Variants in COG5 observed in about 807,000 individuals in gnomAD.
COG5 encodes the protein component of oligomeric golgi complex 5, also known as conserved oligomeric Golgi complex subunit 5.
In COG5, 86 loss-of-function variants were observed where a neutral mutation model predicts 110.4. That is an observed-to-expected ratio of 0.78 (90% CI 0.65 to 0.93). The LOEUF is 0.93. Ranked by LOEUF, COG5 falls within the 40% of genes least tolerant of loss-of-function variation. The pLI is 0.00. For missense variants in COG5, 1,077 were observed against 987.0 expected (o/e 1.09, Z -1.22); for synonymous variants, 360 against 334.6 (o/e 1.08, Z -0.83).
At chr7:107,246,573 T>C (rs1802075921) in intron 17 of COG5, among the ~76,000 whole-genome samples, 1 of 152,108 alleles carries the variant, frequency 6.6e-6, no homozygotes, top group African/African-American at 2.4e-5. Flanking sequence ...CAGACACTTC[T>C]CAAAAGAAGA....
chr7:107,555,178 G>T (rs994795742), intron 2 of COG5, among the ~76,000 whole-genome samples: 2 of 152,070 alleles, frequency 1.3e-5, no homozygotes, highest in Non-Finnish European at 2.9e-5. Flanking sequence ...CCCTACAGAT[G>T]TTTGATACTT....
At chr7:107,521,764 C>G (rs1330286271) in intron 6 of COG5, among the ~76,000 whole-genome samples, 1 of 152,152 alleles carries the variant, frequency 6.6e-6, no homozygotes, top group African/African-American at 2.4e-5. Flanking sequence ...ACCATTTGCC[C>G]CAGCAATCCC....
intron 14 of COG5, chr7:107,258,707 T>C: frequency 3.7e-6 from 1 of 272,786 alleles, no homozygotes; most frequent in Non-Finnish European, 7.0e-6. Context: ...CCATGTGTGC[T>C]ATTATTTTGA....
At chr7:107,545,324 T>C (rs1449618380) in intron 5 of COG5, among the ~76,000 whole-genome samples, 1 of 152,164 alleles carries the variant, frequency 6.6e-6, no homozygotes, top group Non-Finnish European at 1.5e-5. Flanking sequence ...CCCCAAGATA[T>C]ATTACAATCA....
chr7:107,289,548 T>C (rs1388802713), intron 12 of COG5, among the ~76,000 whole-genome samples: 2 of 152,198 alleles, frequency 1.3e-5, no homozygotes, highest in Non-Finnish European at 2.9e-5. Flanking sequence ...GCTGAGATTC[T>C]GATAGTGATA....
At chr7:107,514,367 CACAT>C (rs1305665756) in intron 6 of COG5, among the ~76,000 whole-genome samples, 62 of 136,964 alleles carry the variant, frequency 4.5e-4, no homozygotes, top group African/African-American at 1.3e-3. Flanking sequence ...CACACACACA[CACAT>C]ATTTTATATT....
At chr7:107,217,697 T>C (rs1284568510) in intron 19 of COG5, among the ~76,000 whole-genome samples, 1 of 152,050 alleles carries the variant, frequency 6.6e-6, no homozygotes, top group African/African-American at 2.4e-5. Flanking sequence ...AACACCCTTT[T>C]ATAATAAAAA....
Position 107,372,635 on chromosome 7 carries a change from G to A in COG5, c.795C>T (p.Asp265=), listed in dbSNP as rs372226278. The stretch of plus-strand genomic sequence containing the variant: ...GGGAAGGCTGAGTCAAAACTTTTAT[G>A]TCTAATGCACTGTTGATATTTTCTT... ...TLEENINSAL[D]IKVLTQPSQS... is the part of the protein sequence containing the mutation. The change falls in exon 8 of 22, where the codon GAC becomes GAT. Residue 265 remains aspartate (D), a synonymous_variant. Coordinates refer to ENST00000297135, the MANE Select transcript of COG5 (RefSeq NM_006348.5). 189 of 1,613,578 alleles carry A rather than the reference G, an allele frequency of 1.2e-4. No homozygotes were observed. The East Asian group carries it at 1.7e-3, about 15-fold the overall frequency.
intron 14 of COG5, among the ~76,000 whole-genome samples, chr7:107,279,375 C>A (rs1166686631): frequency 1.3e-5 from 2 of 152,138 alleles, no homozygotes; most frequent in Non-Finnish European, 2.9e-5. Flanking sequence ...ATTTAGTTTT[C>A]ATACCAAATC....
At chr7:107,410,651 A>AG in intron 7 of COG5, among the ~76,000 whole-genome samples, 1 of 152,186 alleles carries the variant, frequency 6.6e-6, no homozygotes, top group South Asian at 2.1e-4. Context: ...CATGTTGGTT[A>AG]GGCTGGTCTC....
At chr7:107,250,305 C>G (rs1802401447) in intron 16 of COG5, among the ~76,000 whole-genome samples, 1 of 152,142 alleles carries the variant, frequency 6.6e-6, no homozygotes, top group Admixed American at 6.5e-5. Context: ...GCAGAGCAAA[C>G]TAAATGCGGC....
intron 6 of COG5, among the ~76,000 whole-genome samples, chr7:107,414,407 T>C (rs1792542762): frequency 6.6e-6 from 1 of 152,142 alleles, no homozygotes; most frequent in Non-Finnish European, 1.5e-5. Flanking sequence ...GAGAAAACTA[T>C]GAGACTAGTG....
chr7:107,502,361 G>A (rs1055551731), intron 6 of COG5, among the ~76,000 whole-genome samples: 5 of 152,042 alleles, frequency 3.3e-5, no homozygotes, highest in East Asian at 1.9e-4. Flanking sequence ...TTTTATGGCT[G>A]AGTAGTATTA....
At chr7:107,230,524 G>A in intron 19 of COG5, 91 bp downstream of exon 19, 1 of 957,394 alleles carries the variant, frequency 1.0e-6, no homozygotes, top group Non-Finnish European at 1.7e-6. Flanking sequence ...AAAAATGGTT[G>A]AATATTGGCA....
chr7:107,250,446 A>T (rs1033281151), intron 16 of COG5, among the ~76,000 whole-genome samples: 6 of 141,040 alleles, frequency 4.3e-5, no homozygotes, highest in Non-Finnish European at 7.9e-5. Flanking sequence ...AAAAAAAGGT[A>T]AAAAAAAAAA....
chr7:107,360,223 G>T (rs943953321), intron 10 of COG5, among the ~76,000 whole-genome samples: 2 of 152,150 alleles, frequency 1.3e-5, no homozygotes, highest in African/African-American at 4.8e-5. Context: ...AATACTGCAG[G>T]TCACCTCTCC....
At chr7:107,218,855 T>C (rs1398675601) in intron 19 of COG5, among the ~76,000 whole-genome samples, 6 of 151,620 alleles carry the variant, frequency 4.0e-5, no homozygotes, top group East Asian at 1.9e-4. Flanking sequence ...AAAGAAAAAA[T>C]AGACAAATGG....
At chr7:107,472,142 C>G (rs1039753855) in intron 6 of COG5, 1 of 151,876 alleles carries the variant, frequency 6.6e-6, no homozygotes, top group African/African-American at 2.4e-5. Context: ...TCCTCTTGGC[C>G]GTGACTTTTT....
At chr7:107,334,395 T>C (rs908519452) in intron 10 of COG5, among the ~76,000 whole-genome samples, 5 of 151,884 alleles carry the variant, frequency 3.3e-5, no homozygotes, top group South Asian at 2.1e-4. Context: ...AAAAAAAACT[T>C]CCAAAATTTG....
Sources: gnomAD v4.1 joint callset for allele counts (sites outside exome capture counted in the v4.1 genomes callset) on GRCh38, gnomAD v4.1.1 for gene constraint, MANE v1.5 for transcripts, NCBI Gene and HGNC (gene_info 2026-07-23, HGNC 2026-07-21) for gene names.